The following PARD3 variants were observed in gnomAD, a reference collection of about 807,000 sequenced individuals.
The protein encoded by PARD3 is partitioning defective 3 homolog.
A neutral mutation model predicts 155.4 loss-of-function variants in PARD3; 75 were observed. That is an observed-to-expected ratio of 0.48 (90% CI 0.40 to 0.58). The LOEUF is 0.58. Among genes scored for constraint, PARD3 ranks in the 20% least tolerant of loss-of-function variants. The pLI, the probability that PARD3 is intolerant of heterozygous loss-of-function variation, is 0.00. For synonymous variants in PARD3, 576 were observed against 610.5 expected, an observed-to-expected ratio of 0.94 and a Z score of 0.83; for missense variants, 1,642 against 1,721.7, an observed-to-expected ratio of 0.95 and a Z score of 0.82.
At chr10:34,363,356 T>A (rs1368195414) in intron 12 of PARD3, among the ~76,000 whole-genome samples, 1 of 152,216 alleles carries the variant, frequency 6.6e-6, no homozygotes, top group Non-Finnish European at 1.5e-5. Context: ...AGAATGGGAA[T>A]AATCTTTTTC....
At chr10:34,467,329 T>TTGTGTG (rs61218571) in intron 4 of PARD3, among the ~76,000 whole-genome samples, 5,476 of 147,032 alleles carry the variant, frequency 0.037, 166 homozygotes, top group African/African-American at 0.072. Flanking sequence ...TGACTCCAAC[T>TTGTGTG]TGTGTGTGTG....
intron 1 of PARD3, among the ~76,000 whole-genome samples, chr10:34,794,588 T>C (rs912051915): frequency 1.1e-4 from 17 of 152,326 alleles, no homozygotes; most frequent in Admixed American, 1.1e-3. Flanking sequence ...CTACTGCTTA[T>C]GGACTTCACA....
intron 20 of PARD3, among the ~76,000 whole-genome samples, chr10:34,315,996 C>T (rs1957982256): frequency 6.6e-6 from 1 of 152,178 alleles, no homozygotes; most frequent in African/African-American, 2.4e-5. Context: ...CAGGCTGGGC[C>T]ATGGTTCCTC....
In PARD3 at chr10:34,219,862, A is replaced by G. The variant is rs559687398; in HGVS notation, c.3419+49795T>C. 3.9e-5 allele frequency among the ~76,000 whole-genome samples: 6 copies of G among 152,354 alleles called. No homozygotes were observed. The South Asian group carries it at 1.0e-3, about 26-fold the overall frequency. ...ATAAATTTTGAAAGCAAGACTCTACAGAGTTTAAACCCTAAGATCTTTCCA... is the reference window on the plus strand; with the variant it reads ...ATAAATTTTGAAAGCAAGACTCTACGGAGTTTAAACCCTAAGATCTTTCCA... On this transcript the variant is annotated intron_variant, in intron 22 of 24. Coordinates refer to ENST00000374788, the MANE Select transcript of PARD3 (RefSeq NM_001184785.2).
At chr10:34,193,878 G>A (rs540854000) in intron 22 of PARD3, among the ~76,000 whole-genome samples, 2 of 152,246 alleles carry the variant, frequency 1.3e-5, no homozygotes, top group East Asian at 3.9e-4. Flanking sequence ...TCAATGCCCT[G>A]AATTTTCTAC....
At chr10:34,650,885 C>T (rs1249868288) in intron 2 of PARD3, among the ~76,000 whole-genome samples, 2 of 151,894 alleles carry the variant, frequency 1.3e-5, no homozygotes, top group African/African-American at 4.8e-5. Flanking sequence ...GTGGCATATG[C>T]CTGTAATCCC....
At chr10:34,335,838 T>C (rs1836120429) in intron 18 of PARD3, among the ~76,000 whole-genome samples, 1 of 152,072 alleles carries the variant, frequency 6.6e-6, no homozygotes, top group African/African-American at 2.4e-5. Flanking sequence ...GATGTTAACC[T>C]AGACATCACA....
intron 2 of PARD3, among the ~76,000 whole-genome samples, chr10:34,690,155 GCTCAT>G (rs2094028328): frequency 6.6e-6 from 1 of 152,072 alleles, no homozygotes; most frequent in Non-Finnish European, 1.5e-5. Flanking sequence ...TGCTGGCCAG[GCTCAT>G]CCTGATTTCC....
intron 22 of PARD3, among the ~76,000 whole-genome samples, chr10:34,242,703 G>A (rs1012164605): frequency 4.6e-5 from 7 of 152,144 alleles, no homozygotes; most frequent in Non-Finnish European, 8.8e-5. Flanking sequence ...AAAGGTGGAG[G>A]CAGGCAGATC....
At chr10:34,494,218 A>C (rs16935455) in intron 3 of PARD3, among the ~76,000 whole-genome samples, 5,669 of 152,286 alleles carry the variant, frequency 0.037, 327 homozygotes, top group African/African-American at 0.13. Context: ...CCTATGGCAT[A>C]AGTAAGGCTA....
chr10:34,812,459 AG>A (rs1197712521), intron 1 of PARD3, among the ~76,000 whole-genome samples: 1 of 152,240 alleles, frequency 6.6e-6, no homozygotes, highest in East Asian at 1.9e-4. Flanking sequence ...AGAGAATAAA[AG>A]TTAAAACAGT....
chr10:34,233,637 T>C (rs1953056579), intron 22 of PARD3, among the ~76,000 whole-genome samples: 2 of 152,108 alleles, frequency 1.3e-5, no homozygotes. Context: ...GTGCCCCAGA[T>C]ATTTAGTTGT....
At chr10:34,366,795 T>G (rs1840008834) in intron 12 of PARD3, among the ~76,000 whole-genome samples, 2 of 152,140 alleles carry the variant, frequency 1.3e-5, no homozygotes. Context: ...ATAAACCTCT[T>G]AATAAAAGAA....
intron 22 of PARD3, among the ~76,000 whole-genome samples, chr10:34,171,743 A>G (rs1231135082): frequency 6.6e-6 from 1 of 151,904 alleles, no homozygotes; most frequent in African/African-American, 2.4e-5. Flanking sequence ...TGAGGTCAGG[A>G]GTTCAAGACC....
At chr10:34,462,163 T>G (rs1589662985) in intron 4 of PARD3, among the ~76,000 whole-genome samples, 1 of 152,244 alleles carries the variant, frequency 6.6e-6, no homozygotes, top group Non-Finnish European at 1.5e-5. Flanking sequence ...TGCAGCAGAA[T>G]AGTTTAAAGT....
intron 5 of PARD3, among the ~76,000 whole-genome samples, chr10:34,408,827 TATTAG>T (rs1040894740): frequency 2.4e-4 from 37 of 151,320 alleles, no homozygotes; most frequent in Middle Eastern, 6.8e-3. Flanking sequence ...GAAAAGACAA[TATTAG>T]ATAAGATATA....
intron 3 of PARD3, among the ~76,000 whole-genome samples, chr10:34,490,442 A>C (rs1400642876): frequency 1.3e-5 from 2 of 151,776 alleles, no homozygotes; most frequent in Non-Finnish European, 2.9e-5. Context: ...ACAAAACAAA[A>C]TGCTCGTGCT....
intron 2 of PARD3, among the ~76,000 whole-genome samples, chr10:34,652,808 C>A (rs1249996670): frequency 6.6e-6 from 1 of 152,130 alleles, no homozygotes; most frequent in African/African-American, 2.4e-5. Flanking sequence ...AACTAACCAC[C>A]ATGTGAATTC....
intron 2 of PARD3, among the ~76,000 whole-genome samples, chr10:34,595,538 C>G (rs1034969478): frequency 1.3e-5 from 2 of 152,130 alleles, no homozygotes; most frequent in African/African-American, 4.8e-5. Flanking sequence ...AACGAGTACC[C>G]AGTGACACTC....
Sources: allele counts gnomAD v4.1 joint callset (sites outside exome capture counted in the v4.1 genomes callset), GRCh38; gene constraint gnomAD v4.1.1; transcripts MANE v1.5; gene names NCBI Gene and HGNC (gene_info 2026-07-23, HGNC 2026-07-21).